MFF: variants seen among roughly 807,000 people sequenced by gnomAD.
MFF encodes the protein mitochondrial fission factor, also known as chromosome 2 open reading frame 33.
MFF carries 12 observed loss-of-function variants against 36.9 expected under a neutral mutation model. The ratio of observed to expected loss-of-function variants is 0.33; its 90% CI spans 0.21 to 0.53. MFF has a LOEUF of 0.53. MFF is among the 20% of genes least tolerant of loss of function. The pLI is 0.95. For missense variants in MFF, 348 were observed against 366.6 expected (o/e 0.95, Z 0.42); for synonymous variants, 99 against 126.2 (o/e 0.78, Z 1.44).
chr2:227,349,938 T>A (rs1574982234), intron 6 of MFF, among the ~76,000 whole-genome samples: 1 of 152,136 alleles, frequency 6.6e-6, no homozygotes, highest in Non-Finnish European at 1.5e-5. Context: ...AAACTAGAAC[T>A]ATTTGGCAGA....
chr2:227,340,462 C>T, intron 5 of MFF, 82 bp downstream of exon 5: 1 of 986,560 alleles, frequency 1.0e-6, no homozygotes, highest in Non-Finnish European at 1.5e-6. Context: ...TAAATAATTA[C>T]TTCATGTAGT....
intron 8 of MFF, among the ~76,000 whole-genome samples, chr2:227,356,283 AATAG>A (rs1173251255): frequency 2.6e-5 from 4 of 152,184 alleles, no homozygotes; most frequent in Non-Finnish European, 4.4e-5. Flanking sequence ...GTCTATACCA[AATAG>A]ATATAGAGGG....
chr2:227,343,209 C>T (rs1458989069), intron 5 of MFF, among the ~76,000 whole-genome samples: 1 of 151,040 alleles, frequency 6.6e-6, no homozygotes, highest in Non-Finnish European at 1.5e-5. Flanking sequence ...TTTTCTTCTT[C>T]TATCTTGTTT....
intron 2 of MFF, 36 bp downstream of exon 2, chr2:227,328,825 A>G (rs1262493857): frequency 1.6e-5 from 2 of 123,992 alleles, no homozygotes; most frequent in Non-Finnish European, 3.3e-5. Flanking sequence ...TTACTTTCTT[A>G]GTCTTTAAAT....
At chr2:227,326,568 C>G (rs1451926440) in intron 1 of MFF, among the ~76,000 whole-genome samples, 1 of 152,172 alleles carries the variant, frequency 6.6e-6, no homozygotes, top group East Asian at 1.9e-4. Context: ...TGCCTCCTTT[C>G]AGAATTGCAA....
At chr2:227,340,240 C>T in intron 4 of MFF, 52 bp from the exon 5 acceptor site, 1 of 1,452,994 alleles carries the variant, frequency 6.9e-7, no homozygotes, top group Non-Finnish European at 9.6e-7. Context: ...TAAGCAGCTA[C>T]TAGCCTACTA....
intron 1 of MFF, among the ~76,000 whole-genome samples, chr2:227,328,098 C>T (rs929865243): frequency 6.6e-6 from 1 of 152,002 alleles, no homozygotes; most frequent in Admixed American, 6.6e-5. Flanking sequence ...AGGCCGGGCA[C>T]GGTGGCTCAC....
intron 7 of MFF, among the ~76,000 whole-genome samples, chr2:227,353,552 C>T (rs990334165): frequency 2.2e-4 from 34 of 152,112 alleles, no homozygotes; most frequent in African/African-American, 7.7e-4. Context: ...AGTTCATTGT[C>T]GTTTTCCCTT....
At chr2:227,338,992 C>T (rs1373795332) in intron 4 of MFF, among the ~76,000 whole-genome samples, 2 of 150,190 alleles carry the variant, frequency 1.3e-5, no homozygotes. Context: ...CACTTGAGCT[C>T]AGGAGTTCGA....
In MFF at chr2:227,347,381, G is replaced by A. The variant is rs770994655; in HGVS notation, c.596G>A (p.Arg199His). The A allele has an allele frequency of 7.4e-6, 12 of 1,613,206 alleles. No individual in the cohort carries two copies. Among genetic ancestry groups the A allele is most frequent in the South Asian group, 4.4e-5 (4 of 91,052 alleles). ...ATCTTGGATGTGCTGGATGAAAATC[G>A]CAGGTGATTGGCCATCCGTGACTCT... ...QQILDVLDEN[R>H]RPVLRGGSAA... Residue 199 changes from arginine to histidine, a missense_variant, in exon 6 of 9, where the codon CGC becomes CAC. Coordinates refer to ENST00000304593, the MANE Select transcript of MFF (RefSeq NM_001277062.2).
At chr2:227,332,118 C>T (rs1029716040) in intron 3 of MFF, among the ~76,000 whole-genome samples, 5 of 147,724 alleles carry the variant, frequency 3.4e-5, no homozygotes, top group Admixed American at 1.4e-4. Context: ...ACTACAGGCG[C>T]CCGCCACTAC....
chr2:227,346,515 A>G (rs936141735), intron 5 of MFF, among the ~76,000 whole-genome samples: 7 of 152,228 alleles, frequency 4.6e-5, no homozygotes, highest in African/African-American at 1.7e-4. Flanking sequence ...GATTATTGTC[A>G]CTAAGAAGCC....
chr2:227,341,322 A>T (rs1466652980), intron 5 of MFF, among the ~76,000 whole-genome samples: 2 of 151,968 alleles, frequency 1.3e-5, no homozygotes, highest in Non-Finnish European at 2.9e-5. Flanking sequence ...CTTTGAAAGA[A>T]CAAGGAAGTT....
intron 5 of MFF, chr2:227,342,652 G>A (rs779701519): frequency 3.6e-5 from 37 of 1,025,498 alleles, no homozygotes; most frequent in Non-Finnish European, 5.2e-5. Context: ...AGCTATTAGC[G>A]CAAAAGTGAA....
intron 4 of MFF, among the ~76,000 whole-genome samples, chr2:227,338,888 G>T (rs1323416103): frequency 6.6e-6 from 1 of 151,266 alleles, no homozygotes; most frequent in Non-Finnish European, 1.5e-5. Flanking sequence ...TTAGTGGGGG[G>T]TTTTTTGTTT....
intron 3 of MFF, 79 bp from the exon 4 acceptor site, chr2:227,332,340 A>T: frequency 2.8e-6 from 3 of 1,065,774 alleles, no homozygotes; most frequent in Non-Finnish European, 4.1e-6. Context: ...GAAGGTAAAT[A>T]CATTTTAACA....
chr2:227,355,609 G>C, intron 7 of MFF, 68 bp from the exon 8 acceptor site: 3 of 852,434 alleles, frequency 3.5e-6, no homozygotes, highest in Non-Finnish European at 6.0e-6. Context: ...CACAAAGCAT[G>C]ATGTGGCGTG....
chr2:227,357,136 A>C lies in MFF; in HGVS notation c.*19A>C. On this transcript the variant is annotated 3_prime_UTR_variant, in exon 9 of 9. Coordinates refer to ENST00000304593, the MANE Select transcript of MFF (RefSeq NM_001277062.2). Reference sequence around the variant, plus strand: ...CCGCTAGAGGTAACATCAGCCCTCAAAAATACTGTCTCAACAGCTGGAAAT... The same window carrying C: ...CCGCTAGAGGTAACATCAGCCCTCACAAATACTGTCTCAACAGCTGGAAAT... 6.2e-7 allele frequency: 1 copy of C among 1,608,290 alleles called. No homozygotes were observed. Among genetic ancestry groups the C allele is most frequent in the Non-Finnish European group, 8.5e-7 (1 of 1,178,696 alleles).
rs2075945038 is a variant in MFF at position 227,350,583 on chromosome 2, G to A, written c.600-1931G>A. 2.6e-5 allele frequency among the ~76,000 whole-genome samples: 4 copies of A among 152,128 alleles called. No individual in the cohort carries two copies. In the South Asian group the frequency reaches 8.3e-4, roughly 31 times the overall value. ...AGCTTGGAAGACCTAGAAATCCAGA[G>A]TTGCAGTGGATACAGCGTTTGTTAT... is the stretch of plus-strand genomic sequence containing the variant. On this transcript the variant is annotated intron_variant, in intron 6 of 8. Transcript: ENST00000304593.
Sources: gnomAD v4.1 joint callset for allele counts (sites outside exome capture counted in the v4.1 genomes callset) on GRCh38, gnomAD v4.1.1 for gene constraint, MANE v1.5 for transcripts, NCBI Gene and HGNC (gene_info 2026-07-23, HGNC 2026-07-21) for gene names.